The following CERS6 variants were observed in gnomAD, a reference collection of about 807,000 sequenced individuals.
CERS6 encodes the protein ceramide synthase 6.
A neutral mutation model predicts 56.8 loss-of-function variants in CERS6; 26 were observed. The ratio of observed to expected loss-of-function variants is 0.46; its 90% confidence interval spans 0.34 to 0.63. The LOEUF is 0.63. CERS6 is among the 30% of genes least tolerant of loss of function. The pLI, the probability that CERS6 is intolerant of heterozygous loss-of-function variation, is 0.01. For missense variants in CERS6, 415 were observed against 467.5 expected, an observed-to-expected ratio of 0.89 and a Z score of 1.04; for synonymous variants, 164 against 173.3, an observed-to-expected ratio of 0.95 and a Z score of 0.42.
intron 1 of CERS6, among the ~76,000 whole-genome samples, chr2:168,470,458 T>C (rs1693956213): frequency 6.6e-6 from 1 of 152,120 alleles, no homozygotes; most frequent in Admixed American, 6.5e-5. Context: ...CCACATTTCA[T>C]GGCTTTTTAA....
intron 4 of CERS6, among the ~76,000 whole-genome samples, chr2:168,654,012 A>G (rs1685407982): frequency 6.6e-6 from 1 of 152,142 alleles, no homozygotes; most frequent in African/African-American, 2.4e-5. Context: ...CAAAGTTGAA[A>G]CTTTTGGTTT....
intron 8 of CERS6, among the ~76,000 whole-genome samples, chr2:168,720,376 C>T (rs1448558257): frequency 6.6e-6 from 1 of 152,164 alleles, no homozygotes; most frequent in African/African-American, 2.4e-5. Context: ...TTCAAGTGCT[C>T]AGTAGCCACA....
At chr2:168,515,397 C>T (rs887251208) in intron 1 of CERS6, among the ~76,000 whole-genome samples, 7 of 151,248 alleles carry the variant, frequency 4.6e-5, no homozygotes, top group Non-Finnish European at 8.8e-5. Context: ...TATGTAGTCA[C>T]TGTGGGAAAA....
chr2:168,743,007 C>A (rs1683964598), intron 8 of CERS6, among the ~76,000 whole-genome samples: 1 of 152,072 alleles, frequency 6.6e-6, no homozygotes, highest in Admixed American at 6.5e-5. Flanking sequence ...GATTGCCTTT[C>A]CACATGGACT....
rs551991348 is a variant in CERS6 at position 168,486,463 on chromosome 2, A to G, written c.170+29845A>G. ...AGGAGTTTTATAGTTTTTGCATTCT[A>G]TGTTTGGATCTGTGATCCATTTTGA... On this transcript the variant is annotated intron_variant, in intron 1 of 9. Coordinates refer to ENST00000305747, the MANE Select transcript of CERS6 (RefSeq NM_203463.3). Among the ~76,000 whole-genome samples, 11 of 145,654 alleles carry G rather than the reference A, an allele frequency of 7.6e-5. No homozygotes were observed. The East Asian group carries it at 1.2e-3, about 17-fold the overall frequency.
rs144998825 is a variant in CERS6 at position 168,582,529 on chromosome 2, A to G, written c.407+21207A>G. 2.6e-3 allele frequency among the ~76,000 whole-genome samples: 403 copies of G among 152,308 alleles called. 5 individuals are homozygous for G. Among genetic ancestry groups the G allele is most frequent in the Admixed American group, 0.021 (322 of 15,296 alleles). On this transcript the variant is annotated intron_variant, in intron 3 of 9. Transcript: ENST00000305747. Reference sequence around the variant, plus strand: ...CTAGCCTGCTGTGTCTGGGAAAGGAAGTATTAATAAGACCTTAAATCATTT... The same window carrying G: ...CTAGCCTGCTGTGTCTGGGAAAGGAGGTATTAATAAGACCTTAAATCATTT...
chr2:168,729,058 C>T (rs948942325), intron 8 of CERS6, among the ~76,000 whole-genome samples: 1 of 148,430 alleles, frequency 6.7e-6, no homozygotes. Context: ...ACGCTCTCTA[C>T]ACAGAATTAA....
intron 4 of CERS6, among the ~76,000 whole-genome samples, chr2:168,670,977 C>CG (rs1422201893): frequency 1.0e-4 from 8 of 80,370 alleles, no homozygotes; most frequent in African/African-American, 1.9e-4. Flanking sequence ...CCCCCCCCCC[C>CG]CCCAGACGGA....
At chr2:168,732,494 T>C (rs1404547694) in intron 8 of CERS6, among the ~76,000 whole-genome samples, 2 of 152,222 alleles carry the variant, frequency 1.3e-5, no homozygotes, top group Admixed American at 6.5e-5. Context: ...TTTACTGTTT[T>C]CTCCCCAAAT....
rs1053878792 is a variant in CERS6 at position 168,507,103 on chromosome 2, G to A, written c.171-40493G>A. On this transcript the variant is annotated intron_variant, in intron 1 of 9. Coordinates refer to ENST00000305747, the MANE Select transcript of CERS6 (RefSeq NM_203463.3). ...CTGCTCCTTAACCTTATGAGAGCAA[G>A]CTGTAGACATCATGTCCCATCACTT... Among the ~76,000 whole-genome samples, 3 of 152,054 alleles carry A rather than the reference G, an allele frequency of 2.0e-5. No individual in the cohort carries two copies. In the East Asian group the frequency reaches 5.8e-4, roughly 29 times the overall value.
At chr2:168,666,113 A>C (rs902957331) in intron 4 of CERS6, among the ~76,000 whole-genome samples, 7 of 152,138 alleles carry the variant, frequency 4.6e-5, no homozygotes, top group Admixed American at 2.0e-4. Flanking sequence ...TACATCTTGC[A>C]TTATTAGTGG....
rs1314763844 is a variant in CERS6 at position 168,485,060 on chromosome 2, A to G, written c.170+28442A>G. 2.0e-5 allele frequency among the ~76,000 whole-genome samples: 3 copies of G among 152,158 alleles called. No individual in the cohort carries two copies. The East Asian group carries it at 5.8e-4, about 29-fold the overall frequency. ...ATTTCAGCTGTTTGCCTCATAATAC[A>G]GTTCAGGCTTATGAAATTGGAGAAA... is the stretch of plus-strand genomic sequence containing the variant. On this transcript the variant is annotated intron_variant, in intron 1 of 9. Coordinates refer to ENST00000305747, the MANE Select transcript of CERS6 (RefSeq NM_203463.3).
Position 168,456,312 on chromosome 2 carries a change from A to AGGCGGC in CERS6, c.-128_-123dup, listed in dbSNP as rs560853063. ...CCTTCGAGAGCAGCGGCCGCGGAGG[A>AGGCGGC]GGCGGCGGCGGCGGGCGGGAGCAGC... On this transcript the variant is annotated 5_prime_UTR_variant, in exon 1 of 10. Coordinates refer to ENST00000305747, the MANE Select transcript of CERS6 (RefSeq NM_203463.3). This position sits in a 1 kb window ranked among gnomAD's most constrained non-coding sequence, Gnocchi z 4.1. The AGGCGGC allele has an allele frequency of 1.7e-5, 6 of 347,256 alleles. No individual in the cohort carries two copies. Among genetic ancestry groups the AGGCGGC allele is most frequent in the African/African-American group, 8.9e-5 (4 of 44,862 alleles). The allele number at this position is 347,256 out of a possible 1,614,324, so 21.5% of individuals were successfully genotyped here. A position where few individuals can be genotyped will look rare whatever the true frequency, so the allele number is the denominator to read the frequency against.
At chr2:168,747,326 T>A (rs1209368568) in intron 8 of CERS6, among the ~76,000 whole-genome samples, 1 of 152,012 alleles carries the variant, frequency 6.6e-6, no homozygotes, top group Non-Finnish European at 1.5e-5. Context: ...TCACTTTTCA[T>A]TAAGTTGTGA....
chr2:168,707,595 C>G (rs1424631516), intron 6 of CERS6, among the ~76,000 whole-genome samples: 1 of 152,128 alleles, frequency 6.6e-6, no homozygotes, highest in Non-Finnish European at 1.5e-5. Flanking sequence ...AACCAGCTCT[C>G]TTATAGTGAG....
chr2:168,536,440 A>G (rs1396868267), intron 1 of CERS6, among the ~76,000 whole-genome samples: 1 of 152,144 alleles, frequency 6.6e-6, no homozygotes, highest in Non-Finnish European at 1.5e-5. Context: ...ATTTTAAATA[A>G]GTAGATTCTA....
At chr2:168,495,514 A>C (rs1385435858) in intron 1 of CERS6, among the ~76,000 whole-genome samples, 1 of 152,194 alleles carries the variant, frequency 6.6e-6, no homozygotes, top group Non-Finnish European at 1.5e-5. Flanking sequence ...AGCAAACGCA[A>C]ACCTGTTAAG....
At chr2:168,536,539 A>G (rs1319162326) in intron 1 of CERS6, among the ~76,000 whole-genome samples, 1 of 152,200 alleles carries the variant, frequency 6.6e-6, no homozygotes, top group African/African-American at 2.4e-5. Flanking sequence ...ATCCTATAAC[A>G]TGTTGCACAC....
chr2:168,735,069 A>C (rs1683670473), intron 8 of CERS6, among the ~76,000 whole-genome samples: 1 of 152,224 alleles, frequency 6.6e-6, no homozygotes, highest in African/African-American at 2.4e-5. Context: ...ATTTAAACAC[A>C]TACATTATTC....
Sources: allele counts gnomAD v4.1 joint callset (sites outside exome capture counted in the v4.1 genomes callset), GRCh38; gene constraint gnomAD v4.1.1; non-coding constraint Gnocchi (gnomAD v3.1); transcripts MANE v1.5; gene names NCBI Gene and HGNC (gene_info 2026-07-23, HGNC 2026-07-21).